ADAMTS12: variants seen among roughly 807,000 people sequenced by gnomAD.
ADAMTS12 encodes the protein A disintegrin and metalloproteinase with thrombospondin motifs 12.
A neutral mutation model predicts 167.8 loss-of-function variants in ADAMTS12; 118 were observed. That is an observed-to-expected ratio of 0.70 (90% CI 0.61 to 0.82). The LOEUF (loss-of-function observed/expected upper bound fraction) is 0.82, where lower values mean the gene tolerates loss of function less well. Ranked by LOEUF, ADAMTS12 falls within the 40% of genes least tolerant of loss-of-function variation. The pLI is 0.00. For synonymous variants in ADAMTS12, 704 were observed against 716.9 expected (o/e 0.98, Z 0.29); for missense variants, 1,916 against 1,998.8 (o/e 0.96, Z 0.79).
At chr5:33,642,457 T>C (rs1421482096) in intron 10 of ADAMTS12, among the ~76,000 whole-genome samples, 1 of 152,120 alleles carries the variant, frequency 6.6e-6, no homozygotes, top group Non-Finnish European at 1.5e-5. Flanking sequence ...CTGCAAAAAG[T>C]CAATTTCACT....
intron 13 of ADAMTS12, 28 bp from the exon 14 acceptor site, chr5:33,624,379 T>A (rs1281398920): frequency 6.2e-7 from 1 of 1,613,456 alleles, no homozygotes; most frequent in Non-Finnish European, 8.5e-7. Flanking sequence ...GGAGGATGAA[T>A]GCCCAGGCAG....
chr5:33,771,583 G>A (rs148443704), intron 2 of ADAMTS12, among the ~76,000 whole-genome samples: 1 of 152,072 alleles, frequency 6.6e-6, no homozygotes, highest in Non-Finnish European at 1.5e-5. Context: ...AATAGAATTT[G>A]TTTAACAGAT....
chr5:33,758,048 T>C (rs1006006777), intron 2 of ADAMTS12, among the ~76,000 whole-genome samples: 2 of 152,266 alleles, frequency 1.3e-5, no homozygotes, highest in East Asian at 3.9e-4. Context: ...ATACTGATAG[T>C]AATTTATTAA....
chr5:33,626,734 A>G (rs1306061966), intron 13 of ADAMTS12, among the ~76,000 whole-genome samples: 11 of 98,502 alleles, frequency 1.1e-4, no homozygotes, highest in East Asian at 3.3e-4. Context: ...ATTTGATGGT[A>G]ATGGTGGTGG....
intron 2 of ADAMTS12, among the ~76,000 whole-genome samples, chr5:33,833,679 A>G (rs959174150): frequency 5.9e-5 from 9 of 152,166 alleles, no homozygotes; most frequent in African/African-American, 1.9e-4. Flanking sequence ...ACACCTGCAA[A>G]CTCTCTCTCA....
At chr5:33,621,478 A>G (rs1432320458) in intron 14 of ADAMTS12, among the ~76,000 whole-genome samples, 1 of 151,932 alleles carries the variant, frequency 6.6e-6, no homozygotes, top group Admixed American at 6.6e-5. Flanking sequence ...TGAGATTCTG[A>G]TAAGAGACAT....
intron 21 of ADAMTS12, among the ~76,000 whole-genome samples, chr5:33,548,008 C>T (rs1745065646): frequency 6.6e-6 from 1 of 152,078 alleles, no homozygotes; most frequent in Admixed American, 6.6e-5. Flanking sequence ...GGCTGCTGCC[C>T]CAGAAAACTC....
At chr5:33,711,525 G>A (rs896321601) in intron 3 of ADAMTS12, among the ~76,000 whole-genome samples, 2 of 152,090 alleles carry the variant, frequency 1.3e-5, no homozygotes, top group African/African-American at 4.8e-5. Flanking sequence ...ACAGATTTTG[G>A]TGTCCTTCCA....
intron 3 of ADAMTS12, among the ~76,000 whole-genome samples, chr5:33,725,414 C>A (rs747089089): frequency 6.6e-6 from 1 of 152,056 alleles, no homozygotes. Flanking sequence ...CATTCAGCCC[C>A]AAAAAAGTGA....
At chr5:33,575,896 G>C (rs911059760) in intron 19 of ADAMTS12, among the ~76,000 whole-genome samples, 158 bp downstream of exon 19, 4 of 152,092 alleles carry the variant, frequency 2.6e-5, no homozygotes, top group African/African-American at 9.7e-5. Flanking sequence ...AAGAGTTATG[G>C]GGGTAAGGAG....
At chr5:33,615,471 G>A (rs1205354946) in intron 15 of ADAMTS12, among the ~76,000 whole-genome samples, 2 of 152,252 alleles carry the variant, frequency 1.3e-5, no homozygotes, top group East Asian at 3.9e-4. Context: ...TTTGCTTGAG[G>A]ACAACACAGA....
intron 2 of ADAMTS12, among the ~76,000 whole-genome samples, chr5:33,793,476 G>C (rs1291305329): frequency 6.6e-6 from 1 of 152,212 alleles, no homozygotes; most frequent in Non-Finnish European, 1.5e-5. Flanking sequence ...AGATGTTTTA[G>C]AGAGTGAAGT....
At chr5:33,835,935 CTCTCTCTCTCTCTCTCTCTGTGTGTG>C (rs1410408884) in intron 2 of ADAMTS12, among the ~76,000 whole-genome samples, 76 of 52,324 alleles carry the variant, frequency 1.5e-3, no homozygotes, top group Admixed American at 2.9e-3. Flanking sequence ...CTCTCTCTCT[CTCTCTCTCTCTCTCTCTCTGTGTGTG>C]TGTGTGTGTC....
intron 3 of ADAMTS12, among the ~76,000 whole-genome samples, chr5:33,698,379 C>G (rs1413546487): frequency 6.6e-6 from 1 of 152,166 alleles, no homozygotes; most frequent in Non-Finnish European, 1.5e-5. Flanking sequence ...ATACAGTGGA[C>G]CATTCTCATG....
chr5:33,787,860 T>G (rs1010816494), intron 2 of ADAMTS12, among the ~76,000 whole-genome samples: 1 of 151,176 alleles, frequency 6.6e-6, no homozygotes, highest in African/African-American at 2.5e-5. Flanking sequence ...GAAATGGAGC[T>G]GTTTTCTCGT....
chr5:33,795,980 C>T (rs1452943352), intron 2 of ADAMTS12, among the ~76,000 whole-genome samples: 1 of 152,186 alleles, frequency 6.6e-6, no homozygotes, highest in East Asian at 1.9e-4. Flanking sequence ...GAATTTGCAA[C>T]TTTTATTTTC....
At chr5:33,836,571 C>T (rs1028768663) in intron 2 of ADAMTS12, among the ~76,000 whole-genome samples, 24 of 152,088 alleles carry the variant, frequency 1.6e-4, no homozygotes, top group African/African-American at 4.1e-4. Flanking sequence ...AGGCAGACAA[C>T]GGGACCAAGG....
rs372153436 is a variant in ADAMTS12, at chr5:33,884,428, CTGTCACCAAA to C, written c.128-2958_128-2949del. Among the ~76,000 whole-genome samples, 23 of 152,316 alleles carry C rather than the reference CTGTCACCAAA, an allele frequency of 1.5e-4. 1 individual carries two copies. The highest frequency in any genetic ancestry group is 3.4e-3 in the Middle Eastern group (1 of 294). On this transcript the variant is annotated intron_variant, in intron 1 of 23. Transcript: ENST00000504830. Reference sequence around the variant, plus strand: ...CTCCTGGCCGTGCTTTTGGTCAGCTCTGTCACCAAATGTCATTCCAGGCAGTCTTTTGCCT... The same window carrying C: ...CTCCTGGCCGTGCTTTTGGTCAGCTCTGTCATTCCAGGCAGTCTTTTGCCT...
Position 33,525,219 on chromosome 5 carries a change from G to C in ADAMTS12, c.*1969C>G, listed in dbSNP as rs987596253. The C allele has an allele frequency of 6.6e-6, 1 of 152,124 alleles. No individual in the cohort carries two copies. The highest frequency in any genetic ancestry group is 1.5e-5 in the Non-Finnish European group (1 of 68,018). 9.4% of individuals were successfully genotyped at this position (152,124 alleles called of 1,614,324 possible). The stretch of plus-strand genomic sequence containing the variant: ...AACAATTTAAGTGTCTCCTCTCCTC[G>C]AAAACCATTATTCACCAGAGATTGC... On this transcript the variant is annotated 3_prime_UTR_variant, in exon 24 of 24. Transcript: ENST00000504830.
Sources: allele counts gnomAD v4.1 joint callset (sites outside exome capture counted in the v4.1 genomes callset), GRCh38; gene constraint gnomAD v4.1.1; transcripts MANE v1.5; gene names NCBI Gene and HGNC (gene_info 2026-07-23, HGNC 2026-07-21).